The following CASS4 variants were observed in gnomAD, a reference collection of about 807,000 sequenced individuals.
CASS4 encodes the protein cas scaffolding protein family member 4.
CASS4 carries 22 observed loss-of-function variants against 54.2 expected under a neutral mutation model. The observed-to-expected ratio is 0.41, with a 90% confidence interval of 0.29 to 0.58. CASS4 has a LOEUF of 0.58. CASS4 is among the 20% of genes least tolerant of loss of function. The pLI is 0.36. For synonymous variants in CASS4, 409 were observed against 391.5 expected, an observed-to-expected ratio of 1.04 and a Z score of -0.53; for missense variants, 854 against 986.7, an observed-to-expected ratio of 0.87 and a Z score of 1.80.
chr20:56,419,294 A>G (rs1445590614), intron 1 of CASS4, among the ~76,000 whole-genome samples: 1 of 152,214 alleles, frequency 6.6e-6, no homozygotes, highest in Non-Finnish European at 1.5e-5. Context: ...ACCATTTCCA[A>G]ACATAACGCC....
In CASS4 at chr20:56,430,184, A is replaced by G. The variant is rs1349436362; in HGVS notation, c.37-6980A>G. 6.6e-6 allele frequency among the ~76,000 whole-genome samples: 1 copy of G among 152,212 alleles called. No individual in the cohort carries two copies. The highest frequency in any genetic ancestry group is 1.5e-5 in the Non-Finnish European group (1 of 68,044). On this transcript the variant is annotated intron_variant, in intron 1 of 5. Coordinates refer to ENST00000679887, the MANE Select transcript of CASS4 (RefSeq NM_020356.4). This position sits in a 1 kb window ranked among gnomAD's most constrained non-coding sequence, Gnocchi z 4.2. ...TGGCTGCTCGGGTTTAGATGAGCAC[A>G]TTGCACCTGCCAGCTGTGGAAAGGT...
At position 56,416,529 on chromosome 20, in the gene CASS4, G is replaced by A. The variant is rs539304214; in HGVS notation, c.36+4035G>A. Among the ~76,000 whole-genome samples, 186 of 35,048 alleles carry A rather than the reference G, an allele frequency of 5.3e-3. 2 individuals carry two copies. The East Asian group carries it at 0.12, about 22-fold the overall frequency. 23.0% of individuals were successfully genotyped at this position (35,048 alleles called of 152,430 possible). A position where few individuals can be genotyped will look rare whatever the true frequency, so the allele number is the denominator to read the frequency against. On this transcript the variant is annotated intron_variant, in intron 1 of 5. Transcript: ENST00000679887. ...TTTGCTATAAATTCTGTTTACTTCCGTGTGTGTGTGTGTGTGTGTGTGTGT... is the reference window on the plus strand; with the variant it reads ...TTTGCTATAAATTCTGTTTACTTCCATGTGTGTGTGTGTGTGTGTGTGTGT...
intron 5 of CASS4, among the ~76,000 whole-genome samples, chr20:56,454,452 T>C (rs537587903): frequency 6.6e-6 from 1 of 152,320 alleles, no homozygotes; most frequent in East Asian, 1.9e-4. Flanking sequence ...AAACAAACCA[T>C]GTGGGTCATT....
At chr20:56,418,386 G>A (rs1178928030) in intron 1 of CASS4, among the ~76,000 whole-genome samples, 12 of 152,180 alleles carry the variant, frequency 7.9e-5, no homozygotes, top group African/African-American at 2.4e-5. Context: ...TGAGGTGTAA[G>A]CAGGATAACA....
intron 1 of CASS4, among the ~76,000 whole-genome samples, chr20:56,425,485 C>T (rs1177551074): frequency 6.6e-6 from 1 of 152,164 alleles, no homozygotes; most frequent in East Asian, 1.9e-4. Flanking sequence ...TGAGGGATGG[C>T]CAGTGAGAAG....
At chr20:56,431,097 G>A (rs751436109) in intron 1 of CASS4, among the ~76,000 whole-genome samples, 23 of 152,126 alleles carry the variant, frequency 1.5e-4, no homozygotes, top group Non-Finnish European at 3.2e-4. Context: ...ATGGATGTGA[G>A]GAACCAATTA....
intron 5 of CASS4, among the ~76,000 whole-genome samples, chr20:56,456,121 G>A (rs562458745): frequency 1.3e-5 from 2 of 152,028 alleles, no homozygotes; most frequent in African/African-American, 2.4e-5. Flanking sequence ...ACTTCTCAGT[G>A]GAGGCCCGGG....
At chr20:56,423,531 ATTACT>A (rs1431647577) in intron 1 of CASS4, among the ~76,000 whole-genome samples, 5 of 152,116 alleles carry the variant, frequency 3.3e-5, no homozygotes, top group Non-Finnish European at 7.4e-5. Context: ...AAGCTTAAAC[ATTACT>A]TTATTTTATT....
At chr20:56,436,500 G>A (rs1009288848) in intron 1 of CASS4, among the ~76,000 whole-genome samples, 1 of 151,610 alleles carries the variant, frequency 6.6e-6, no homozygotes, top group African/African-American at 2.4e-5. Flanking sequence ...ATAACCCCAT[G>A]AGGTAGGTAT....
chr20:56,433,579 G>A (rs1980019102), intron 1 of CASS4, among the ~76,000 whole-genome samples: 1 of 152,220 alleles, frequency 6.6e-6, no homozygotes, highest in South Asian at 2.1e-4. Context: ...AGTGCCATAT[G>A]TAATAAACAT....
intron 1 of CASS4, among the ~76,000 whole-genome samples, chr20:56,416,364 A>G (rs1979137174): frequency 6.6e-6 from 1 of 152,238 alleles, no homozygotes; most frequent in Admixed American, 6.5e-5. Context: ...ATTTAGTTCT[A>G]AAAGAACTAA....
chr20:56,456,170 GGT>G (rs1238299045), intron 5 of CASS4, among the ~76,000 whole-genome samples: 1 of 151,856 alleles, frequency 6.6e-6, no homozygotes, highest in Non-Finnish European at 1.5e-5. Flanking sequence ...TCCATTGCGT[GGT>G]GAACCGTTCA....
intron 2 of CASS4, among the ~76,000 whole-genome samples, chr20:56,444,245 C>T (rs1342258390): frequency 6.6e-6 from 1 of 152,158 alleles, no homozygotes; most frequent in Non-Finnish European, 1.5e-5. Context: ...TAGAGGGACC[C>T]TGACCCAGTC....
intron 2 of CASS4, among the ~76,000 whole-genome samples, chr20:56,440,390 A>G (rs184780857): frequency 2.0e-5 from 3 of 152,234 alleles, no homozygotes; most frequent in African/African-American, 4.8e-5. Flanking sequence ...AAAAATCAAT[A>G]GCAATTCCTT....
At chr20:56,424,123 T>C (rs1409273161) in intron 1 of CASS4, among the ~76,000 whole-genome samples, 2 of 152,204 alleles carry the variant, frequency 1.3e-5, no homozygotes, top group African/African-American at 2.4e-5. Flanking sequence ...GAAACAACTG[T>C]CCTTTATGTG....
intron 1 of CASS4, among the ~76,000 whole-genome samples, chr20:56,413,272 G>A (rs754133790): frequency 6.6e-6 from 1 of 151,904 alleles, no homozygotes; most frequent in Non-Finnish European, 1.5e-5. Context: ...TTTTCATCTT[G>A]CTATGCCCTT....
At chr20:56,415,008 G>A (rs977772869) in intron 1 of CASS4, among the ~76,000 whole-genome samples, 10 of 152,092 alleles carry the variant, frequency 6.6e-5, no homozygotes, top group African/African-American at 9.7e-5. Context: ...TGTCACAGAC[G>A]AGGAAACGAG....
intron 1 of CASS4, among the ~76,000 whole-genome samples, chr20:56,421,680 A>C (rs1195221083): frequency 6.6e-6 from 1 of 152,162 alleles, no homozygotes; most frequent in East Asian, 1.9e-4. Context: ...TGGGTGACAA[A>C]GTGAGACCCT....
intron 2 of CASS4, among the ~76,000 whole-genome samples, chr20:56,445,033 C>A (rs780670482): frequency 6.6e-5 from 10 of 152,070 alleles, no homozygotes; most frequent in Non-Finnish European, 1.5e-4. Flanking sequence ...TCGCTTGAAT[C>A]CAGGAGGCGG....
Sources: gnomAD v4.1 joint callset for allele counts (sites outside exome capture counted in the v4.1 genomes callset) on GRCh38, gnomAD v4.1.1 for gene constraint, Gnocchi (gnomAD v3.1) non-coding constraint, MANE v1.5 for transcripts, NCBI Gene and HGNC (gene_info 2026-07-23, HGNC 2026-07-21) for gene names.